NFIA: variants seen among roughly 807,000 people sequenced by gnomAD.
NFIA encodes the protein nuclear factor I A.
A neutral mutation model predicts 62.8 loss-of-function variants in NFIA; 8 were observed. The ratio of observed to expected loss-of-function variants is 0.13; its 90% CI spans 0.07 to 0.23. The LOEUF is 0.23. NFIA is among the 10% of genes least tolerant of loss of function. The pLI is 1.00. For synonymous variants in NFIA, 235 were observed against 238.1 expected, an observed-to-expected ratio of 0.99 and a Z score of 0.12; for missense variants, 410 against 642.1, an observed-to-expected ratio of 0.64 and a Z score of 3.91.
At chr1:61,377,741 C>T (rs1250961702) in intron 6 of NFIA, among the ~76,000 whole-genome samples, 2 of 152,162 alleles carry the variant, frequency 1.3e-5, no homozygotes, top group East Asian at 3.8e-4. Flanking sequence ...ACTTGAATTA[C>T]ATCTCCCAAA....
At chr1:61,417,902 G>A (rs1203495692) in intron 9 of NFIA, among the ~76,000 whole-genome samples, 1 of 151,910 alleles carries the variant, frequency 6.6e-6, no homozygotes, top group African/African-American at 2.4e-5. Context: ...TATCACAGAG[G>A]GGTAAAGCCT....
chr1:61,166,863 C>T (rs796603369), intron 2 of NFIA, among the ~76,000 whole-genome samples: 6 of 152,262 alleles, frequency 3.9e-5, no homozygotes, highest in Non-Finnish European at 7.4e-5. Flanking sequence ...TCCTTCTGGC[C>T]GGGCGCAGTG....
intron 2 of NFIA, among the ~76,000 whole-genome samples, chr1:61,112,796 T>C (rs145243060): frequency 6.6e-5 from 10 of 152,326 alleles, no homozygotes; most frequent in East Asian, 5.8e-4. Context: ...TGCTGCACTT[T>C]CTTTTGTAGG....
chr1:61,082,179 C>T, upstream of NFIA: 3 of 349,630 alleles, frequency 8.6e-6, no homozygotes, highest in South Asian at 2.1e-4. Context: ...CTGCGTTACC[C>T]AGTAATGCGC....
chr1:61,107,926 A>G (rs1646631958), intron 2 of NFIA, among the ~76,000 whole-genome samples: 2 of 151,634 alleles, frequency 1.3e-5, no homozygotes. Flanking sequence ...TTCCCCAAAT[A>G]ATGTAAAATG....
At chr1:61,208,795 A>T (rs1444899116) in intron 2 of NFIA, among the ~76,000 whole-genome samples, 1 of 152,126 alleles carries the variant, frequency 6.6e-6, no homozygotes, top group Admixed American at 6.5e-5. Flanking sequence ...TTTATTATTG[A>T]AAATAATAAA....
At chr1:61,346,046 TC>T (rs1662212080) in intron 4 of NFIA, among the ~76,000 whole-genome samples, 1 of 152,190 alleles carries the variant, frequency 6.6e-6, no homozygotes, top group South Asian at 2.1e-4. Flanking sequence ...GGATTGGGAA[TC>T]TAGACAATCT....
At chr1:61,445,215 G>T (rs1410399828) in intron 10 of NFIA, among the ~76,000 whole-genome samples, 3 of 152,166 alleles carry the variant, frequency 2.0e-5, no homozygotes, top group Non-Finnish European at 2.9e-5. Flanking sequence ...AAGCCAAGCA[G>T]CTCTGCCAAT....
intron 2 of NFIA, among the ~76,000 whole-genome samples, chr1:61,241,101 G>A (rs1223652572): frequency 6.6e-6 from 1 of 152,036 alleles, no homozygotes; most frequent in Non-Finnish European, 1.5e-5. Flanking sequence ...AAGTGGGACA[G>A]TCTGAAATAT....
At chr1:61,113,632 A>G (rs1303850324) in intron 2 of NFIA, among the ~76,000 whole-genome samples, 1 of 149,374 alleles carries the variant, frequency 6.7e-6, no homozygotes, top group Non-Finnish European at 1.5e-5. Flanking sequence ...TATGTTTGGT[A>G]GAAATCTGAA....
At chr1:61,159,232 T>G (rs955756084) in intron 2 of NFIA, among the ~76,000 whole-genome samples, 1 of 152,148 alleles carries the variant, frequency 6.6e-6, no homozygotes, top group African/African-American at 2.4e-5. Context: ...AGTTAACTTC[T>G]TAATTAGGCC....
At chr1:61,305,354 C>G (rs564748191) in intron 3 of NFIA, among the ~76,000 whole-genome samples, 1 of 152,142 alleles carries the variant, frequency 6.6e-6, no homozygotes, top group Non-Finnish European at 1.5e-5. Context: ...ACCATGCCCC[C>G]CAAAGCATCA....
intron 2 of NFIA, among the ~76,000 whole-genome samples, chr1:61,111,825 C>T (rs1260615694): frequency 1.3e-5 from 2 of 152,090 alleles, no homozygotes; most frequent in Non-Finnish European, 2.9e-5. Flanking sequence ...GTCAGACTGT[C>T]ACTTACAATA....
chr1:61,252,707 A>G (rs1257858347), intron 2 of NFIA, among the ~76,000 whole-genome samples: 1 of 152,242 alleles, frequency 6.6e-6, no homozygotes, highest in Non-Finnish European at 1.5e-5. Flanking sequence ...AGACATTATT[A>G]AATTTAAATT....
chr1:61,370,252 A>G (rs12568891), intron 6 of NFIA, among the ~76,000 whole-genome samples: 21,984 of 152,254 alleles, frequency 0.14, 1,878 homozygotes, highest in East Asian at 0.36. Context: ...AAACTCATCA[A>G]TTAATCAGAG....
intron 2 of NFIA, chr1:61,249,205 A>C (rs1052766438): frequency 1.3e-5 from 2 of 152,148 alleles, no homozygotes; most frequent in African/African-American, 4.8e-5. Context: ...AGGTGCTTAC[A>C]TACTTACTGA....
chr1:61,194,313 A>G (rs142887732), intron 2 of NFIA, among the ~76,000 whole-genome samples: 2 of 152,256 alleles, frequency 1.3e-5, no homozygotes, highest in African/African-American at 4.8e-5. Flanking sequence ...GTTATTTTCT[A>G]GTATTTTTAA....
At chr1:61,332,662 AC>A in intron 4 of NFIA, 76 bp downstream of exon 4, 1 of 1,255,414 alleles carries the variant, frequency 8.0e-7, no homozygotes, top group Non-Finnish European at 1.1e-6. Flanking sequence ...ACTCCTAGAG[AC>A]CAAAAAAAGC....
At chr1:61,211,596 G>T (rs1570388733) in intron 2 of NFIA, among the ~76,000 whole-genome samples, 1 of 152,178 alleles carries the variant, frequency 6.6e-6, no homozygotes, top group Non-Finnish European at 1.5e-5. Context: ...TAGATGTCTA[G>T]AGCAAATAAG....
Sources: gnomAD v4.1 joint callset for allele counts (sites outside exome capture counted in the v4.1 genomes callset) on GRCh38, gnomAD v4.1.1 for gene constraint, MANE v1.5 for transcripts, NCBI Gene and HGNC (gene_info 2026-07-23, HGNC 2026-07-21) for gene names.